CADM2: variants seen among roughly 807,000 people sequenced by gnomAD.
CADM2 encodes immunoglobulin superfamily member 4D.
In CADM2, 12 loss-of-function variants were observed where a neutral mutation model predicts 49.8. That is an observed-to-expected ratio of 0.24 (90% CI 0.15 to 0.39). The LOEUF (loss-of-function observed/expected upper bound fraction) is 0.39, where lower values mean the gene tolerates loss of function less well. Among genes scored for constraint, CADM2 ranks in the 10% least tolerant of loss-of-function variants. The pLI, the probability that CADM2 is intolerant of heterozygous loss-of-function variation, is 1.00. For missense variants in CADM2, 378 were observed against 492.3 expected, an observed-to-expected ratio of 0.77 and a Z score of 2.20; for synonymous variants, 214 against 175.4, an observed-to-expected ratio of 1.22 and a Z score of -1.74.
chr3:85,085,091 C>T (rs1190861183), intron 1 of CADM2, among the ~76,000 whole-genome samples: 1 of 152,092 alleles, frequency 6.6e-6, no homozygotes, highest in African/African-American at 2.4e-5. Context: ...TTAAATTCTA[C>T]TCTGTTGGCA....
Position 85,987,708 on chromosome 3 carries a change from T to C in CADM2, c.970+26061T>C, listed in dbSNP as rs1040552708. On this transcript the variant is annotated intron_variant, in intron 8 of 9. Coordinates refer to ENST00000383699, the MANE Select transcript of CADM2 (RefSeq NM_001167675.2). ...ATAAAATAATATAATAAAAATAATA[T>C]ATAAATAATTAAATATAATTATTAT... 6.8e-5 allele frequency among the ~76,000 whole-genome samples: 10 copies of C among 146,472 alleles called. No individual in the cohort carries two copies. In the East Asian group the frequency reaches 2.0e-3, roughly 29 times the overall value.
chr3:85,903,795 C>T (rs1010143998), intron 5 of CADM2, among the ~76,000 whole-genome samples: 1 of 152,082 alleles, frequency 6.6e-6, no homozygotes, highest in African/African-American at 2.4e-5. Context: ...CAGTGATTCC[C>T]CTTCACTATT....
intron 1 of CADM2, among the ~76,000 whole-genome samples, chr3:85,351,277 G>T (rs564445222): frequency 1.3e-5 from 2 of 152,204 alleles, no homozygotes; most frequent in South Asian, 2.1e-4. Context: ...CCACCAGCTG[G>T]TATCGCTTAC....
intron 1 of CADM2, among the ~76,000 whole-genome samples, chr3:85,579,970 G>T (rs12637214): frequency 0.022 from 3,275 of 152,210 alleles, 143 homozygotes; most frequent in South Asian, 0.1. Context: ...TCATGACACA[G>T]ATTTCTTGTT....
chr3:85,285,104 A>G (rs1243445470), intron 1 of CADM2, among the ~76,000 whole-genome samples: 1 of 152,150 alleles, frequency 6.6e-6, no homozygotes, highest in Non-Finnish European at 1.5e-5. Context: ...TGTGGTTATT[A>G]AAGAAGGCAG....
chr3:85,553,275 G>T (rs1473391859), intron 1 of CADM2, among the ~76,000 whole-genome samples: 1 of 93,600 alleles, frequency 1.1e-5, no homozygotes, highest in Non-Finnish European at 2.5e-5. Context: ...CATATATCAG[G>T]TACTCTAGAT....
At chr3:85,265,734 A>T (rs1217657256) in intron 1 of CADM2, among the ~76,000 whole-genome samples, 2 of 152,042 alleles carry the variant, frequency 1.3e-5, no homozygotes, top group Admixed American at 1.3e-4. Context: ...TTTTCTAAAG[A>T]GACATTTCAA....
intron 6 of CADM2, among the ~76,000 whole-genome samples, chr3:85,926,061 C>T (rs1020149198): frequency 6.6e-6 from 1 of 151,450 alleles, no homozygotes; most frequent in Non-Finnish European, 1.5e-5. Flanking sequence ...GGCATGAACC[C>T]GGGAGGAGGA....
At chr3:85,854,990 C>T (rs1392190418) in intron 3 of CADM2, among the ~76,000 whole-genome samples, 1 of 152,060 alleles carries the variant, frequency 6.6e-6, no homozygotes, top group Non-Finnish European at 1.5e-5. Context: ...GGAGAAGTTT[C>T]CACCTTATGC....
intron 5 of CADM2, among the ~76,000 whole-genome samples, chr3:85,888,265 GA>G (rs1713945540): frequency 6.6e-6 from 1 of 152,088 alleles, no homozygotes; most frequent in Non-Finnish European, 1.5e-5. Context: ...GTAGCTGCAT[GA>G]CAAACCCATG....
intron 1 of CADM2, among the ~76,000 whole-genome samples, chr3:85,154,698 G>C (rs1396071825): frequency 6.7e-6 from 1 of 148,856 alleles, no homozygotes; most frequent in Non-Finnish European, 1.5e-5. Flanking sequence ...AGAAAGGTCG[G>C]GTTACCCTCA....
chr3:85,713,693 A>C (rs1359310241), intron 1 of CADM2, among the ~76,000 whole-genome samples: 1 of 152,194 alleles, frequency 6.6e-6, no homozygotes, highest in African/African-American at 2.4e-5. Flanking sequence ...TATTACGGTA[A>C]AAACTACTAA....
chr3:85,363,888 G>C (rs2032547792), intron 1 of CADM2, among the ~76,000 whole-genome samples: 1 of 152,198 alleles, frequency 6.6e-6, no homozygotes, highest in Non-Finnish European at 1.5e-5. Flanking sequence ...TGGGATTACA[G>C]GCGTGAGCCA....
chr3:85,362,115 T>C (rs2032402266), intron 1 of CADM2, among the ~76,000 whole-genome samples: 2 of 148,256 alleles, frequency 1.3e-5, no homozygotes, highest in African/African-American at 5.3e-5. Context: ...CTCCAGTAAG[T>C]GACAGGACCC....
At chr3:85,117,916 G>A (rs1190955540) in intron 1 of CADM2, among the ~76,000 whole-genome samples, 2 of 152,036 alleles carry the variant, frequency 1.3e-5, no homozygotes, top group Middle Eastern at 3.2e-3. Context: ...TTATAATGAA[G>A]CTTTCATGAG....
intron 2 of CADM2, among the ~76,000 whole-genome samples, chr3:85,787,199 CAAAG>C (rs970766910): frequency 4.6e-5 from 7 of 151,938 alleles, no homozygotes; most frequent in Non-Finnish European, 4.4e-5. Flanking sequence ...CATTTTTCAT[CAAAG>C]AGTGAGGAGG....
chr3:86,006,877 C>A (rs1224035841), intron 8 of CADM2, among the ~76,000 whole-genome samples: 1 of 151,752 alleles, frequency 6.6e-6, no homozygotes, highest in Admixed American at 6.6e-5. Flanking sequence ...CCCATCTCTA[C>A]TTAAAATACA....
chr3:85,673,604 T>C (rs2065810551), intron 1 of CADM2, among the ~76,000 whole-genome samples: 1 of 151,886 alleles, frequency 6.6e-6, no homozygotes. Flanking sequence ...ATAGTAGTGC[T>C]ACTCTCTCTG....
intron 8 of CADM2, among the ~76,000 whole-genome samples, chr3:86,017,148 A>ATAT (rs1259931588): frequency 1.7e-5 from 2 of 121,196 alleles, no homozygotes; most frequent in African/African-American, 7.9e-5. Context: ...ATGTGTGTAT[A>ATAT]TATATGTGTG....
Sources: gnomAD v4.1 joint callset for allele counts (sites outside exome capture counted in the v4.1 genomes callset) on GRCh38, gnomAD v4.1.1 for gene constraint, MANE v1.5 for transcripts, NCBI Gene and HGNC (gene_info 2026-07-23, HGNC 2026-07-21) for gene names.